Variants in RNGTT observed in about 807,000 individuals in gnomAD.
RNGTT encodes the protein mRNA-capping enzyme.
A neutral mutation model predicts 79.3 loss-of-function variants in RNGTT; 33 were observed. That is an observed-to-expected ratio of 0.42 (90% confidence interval 0.32 to 0.56). The LOEUF is 0.56. Ranked by LOEUF, RNGTT falls within the 20% of genes least tolerant of loss-of-function variation. The probability of loss-of-function intolerance (pLI) is 0.17; values close to 1 mark genes in which losing one functional copy is unlikely to be tolerated. For synonymous variants in RNGTT, 222 were observed against 235.9 expected (o/e 0.94, Z 0.54); for missense variants, 497 against 739.1 (o/e 0.67, Z 3.80).
rs1340685640 is a variant in RNGTT at position 88,707,994 on chromosome 6, G to C, written c.1440-29575C>G. Among the ~76,000 whole-genome samples the C allele has an allele frequency of 3.9e-4, 59 of 151,856 alleles. 1 individual carries two copies. Among genetic ancestry groups the C allele is most frequent in the Admixed American group, 3.9e-3 (59 of 15,242 alleles). ...TAAGTAGACAAGCAGAAGCACTAGC[G>C]CACTCAGTTTCGAGGAGTGGACCAG... On this transcript the variant is annotated intron_variant, in intron 13 of 15. Transcript: ENST00000369485.
At chr6:88,935,319 T>C (rs1026008406) in intron 2 of RNGTT, among the ~76,000 whole-genome samples, 1 of 152,236 alleles carries the variant, frequency 6.6e-6, no homozygotes, top group African/African-American at 2.4e-5. Flanking sequence ...TTGGTTACTA[T>C]AGCCTTGTAA....
intron 2 of RNGTT, among the ~76,000 whole-genome samples, chr6:88,938,314 C>G (rs1225362153): frequency 6.6e-6 from 1 of 152,086 alleles, no homozygotes; most frequent in Non-Finnish European, 1.5e-5. Flanking sequence ...CTGTTTTTGA[C>G]TTAAAGTCTG....
intron 4 of RNGTT, among the ~76,000 whole-genome samples, chr6:88,912,079 C>T (rs1315368103): frequency 1.3e-5 from 2 of 151,764 alleles, no homozygotes; most frequent in African/African-American, 2.4e-5. Context: ...TAAGACCCTA[C>T]CTCAAAAAAT....
Position 88,931,328 on chromosome 6 carries a change from C to G in RNGTT, c.175-2061G>C, listed in dbSNP as rs191146128. 3.2e-3 allele frequency among the ~76,000 whole-genome samples: 490 copies of G among 151,914 alleles called. 2 individuals are homozygous for G. Among genetic ancestry groups the G allele is most frequent in the African/African-American group, 0.011 (457 of 41,406 alleles). On this transcript the variant is annotated intron_variant, in intron 2 of 15. Transcript: ENST00000369485. Reference sequence around the variant, plus strand: ...TACCTTGAGTGTGCAGGGGAGAACACAGCAATCTGTATTTTTAGTTGCTTA... The same window carrying G: ...TACCTTGAGTGTGCAGGGGAGAACAGAGCAATCTGTATTTTTAGTTGCTTA...
intron 13 of RNGTT, among the ~76,000 whole-genome samples, chr6:88,715,424 C>G (rs1469127235): frequency 6.6e-6 from 1 of 152,084 alleles, no homozygotes; most frequent in Non-Finnish European, 1.5e-5. Flanking sequence ...CCATCCCCAT[C>G]AAGCTACCAA....
chr6:88,701,173 G>A (rs971335615), intron 13 of RNGTT, among the ~76,000 whole-genome samples: 1 of 151,982 alleles, frequency 6.6e-6, no homozygotes, highest in Non-Finnish European at 1.5e-5. Flanking sequence ...TGGATAGAGG[G>A]GAAGGCAGAG....
At chr6:88,903,668 T>A (rs1030847568) in intron 6 of RNGTT, among the ~76,000 whole-genome samples, 5 of 152,228 alleles carry the variant, frequency 3.3e-5, no homozygotes, top group African/African-American at 1.2e-4. Flanking sequence ...ATAACTTACA[T>A]GGTTTACATA....
intron 11 of RNGTT, among the ~76,000 whole-genome samples, chr6:88,803,992 T>G (rs547776317): frequency 1.3e-5 from 2 of 152,310 alleles, no homozygotes; most frequent in South Asian, 2.1e-4. Flanking sequence ...CTAGACAATA[T>G]TTTTTTCTTT....
chr6:88,647,364 G>C (rs1773606197), intron 14 of RNGTT, among the ~76,000 whole-genome samples: 1 of 152,072 alleles, frequency 6.6e-6, no homozygotes, highest in Admixed American at 6.6e-5. Flanking sequence ...TAATAACAAA[G>C]GGTAATTACC....
At chr6:88,665,205 G>A (rs1774352314) in intron 14 of RNGTT, among the ~76,000 whole-genome samples, 1 of 152,172 alleles carries the variant, frequency 6.6e-6, no homozygotes, top group Non-Finnish European at 1.5e-5. Flanking sequence ...GATAGGGCCA[G>A]CTCTGGCCCA....
chr6:88,796,545 GA>G (rs1400264936), intron 12 of RNGTT, among the ~76,000 whole-genome samples: 29 of 152,286 alleles, frequency 1.9e-4, no homozygotes, highest in African/African-American at 6.7e-4. Context: ...CTGATTGTTT[GA>G]AGATTGGTTG....
At chr6:88,643,185 T>C (rs1471095755) in intron 14 of RNGTT, among the ~76,000 whole-genome samples, 2 of 152,106 alleles carry the variant, frequency 1.3e-5, no homozygotes, top group Non-Finnish European at 2.9e-5. Flanking sequence ...TAAACCCTAA[T>C]TTATACTTCC....
chr6:88,871,905 C>T (rs1261776609), intron 8 of RNGTT, among the ~76,000 whole-genome samples: 1 of 152,104 alleles, frequency 6.6e-6, no homozygotes, highest in Non-Finnish European at 1.5e-5. Context: ...GACCATTCCC[C>T]CCCATAAAAA....
intron 13 of RNGTT, among the ~76,000 whole-genome samples, chr6:88,751,675 T>C (rs970668939): frequency 4.6e-5 from 7 of 152,098 alleles, no homozygotes; most frequent in African/African-American, 1.7e-4. Context: ...ATGGTAATAA[T>C]TTAATATAAA....
chr6:88,758,105 T>C (rs1416920967), intron 13 of RNGTT, among the ~76,000 whole-genome samples: 2 of 152,220 alleles, frequency 1.3e-5, no homozygotes, highest in Admixed American at 6.5e-5. Flanking sequence ...TTTTTACTTA[T>C]TTGATAGTCT....
intron 4 of RNGTT, among the ~76,000 whole-genome samples, chr6:88,907,416 TGTAA>T (rs1562314043): frequency 6.6e-6 from 1 of 152,118 alleles, no homozygotes; most frequent in Non-Finnish European, 1.5e-5. Flanking sequence ...CCACTAAGAT[TGTAA>T]GTGTTTGACA....
At chr6:88,773,175 A>G (rs1778750318) in intron 12 of RNGTT, among the ~76,000 whole-genome samples, 1 of 151,368 alleles carries the variant, frequency 6.6e-6, no homozygotes, top group Non-Finnish European at 1.5e-5. Flanking sequence ...TTGTAGGGAC[A>G]TGGATGAAAT....
intron 4 of RNGTT, among the ~76,000 whole-genome samples, chr6:88,922,732 T>C (rs1025761214): frequency 1.3e-5 from 2 of 152,130 alleles, no homozygotes; most frequent in Admixed American, 6.5e-5. Context: ...GGTTTCACCA[T>C]GTTAGTCAGG....
intron 8 of RNGTT, among the ~76,000 whole-genome samples, chr6:88,868,148 C>CA (rs758000624): frequency 0.11 from 14,276 of 131,926 alleles, 1,508 homozygotes; most frequent in African/African-American, 0.28. Context: ...ACCTGATTTC[C>CA]AAAAAAAAAA....
Sources: allele counts gnomAD v4.1 joint callset (sites outside exome capture counted in the v4.1 genomes callset), GRCh38; gene constraint gnomAD v4.1.1; transcripts MANE v1.5; gene names NCBI Gene and HGNC (gene_info 2026-07-23, HGNC 2026-07-21).